PLCH2: variants seen among roughly 807,000 people sequenced by gnomAD.
PLCH2 encodes the protein 1-phosphatidylinositol 4,5-bisphosphate phosphodiesterase eta-2.
Under a neutral mutation model 134.7 loss-of-function variants are expected in PLCH2, and 98 were observed. The ratio of observed to expected loss-of-function variants is 0.73; its 90% CI spans 0.62 to 0.86. PLCH2 has a LOEUF of 0.86. Among genes scored for constraint, PLCH2 ranks in the 40% least tolerant of loss-of-function variants. The pLI is 0.00. For missense variants in PLCH2, 1,994 were observed against 1,986.6 expected, an observed-to-expected ratio of 1.00 and a Z score of -0.07; for synonymous variants, 974 against 827.5, an observed-to-expected ratio of 1.18 and a Z score of -3.04.
intron 1 of PLCH2, among the ~76,000 whole-genome samples, chr1:2,470,327 G>C (rs1641265189): frequency 1.3e-5 from 2 of 152,210 alleles, no homozygotes; most frequent in Admixed American, 1.3e-4. Flanking sequence ...GCTCCCAAAA[G>C]GCAGGAGTGG....
At chr1:2,419,045 C>T in the PLCH2 span, among the ~76,000 whole-genome samples, 1 of 152,230 alleles carries the variant, frequency 6.6e-6, no homozygotes, top group Non-Finnish European at 1.5e-5. Context: ...GTTGGCACGG[C>T]TCATCCTCTG....
At chr1:2,416,656 G>A in the PLCH2 span, among the ~76,000 whole-genome samples, 4 of 152,202 alleles carry the variant, frequency 2.6e-5, no homozygotes, top group South Asian at 2.1e-4. Flanking sequence ...GGCGGGGCCC[G>A]GCAGCCAGAG....
upstream of PLCH2, among the ~76,000 whole-genome samples, chr1:2,464,484 T>A (rs1217578634): frequency 2.0e-5 from 3 of 152,250 alleles, no homozygotes; most frequent in Admixed American, 2.0e-4. Flanking sequence ...TAGTGGCCCC[T>A]GTCTTTGGGC....
intron 21 of PLCH2, chr1:2,503,415 G>A (rs982063962): frequency 4.2e-5 from 25 of 592,492 alleles, no homozygotes; most frequent in Middle Eastern, 3.6e-4. Flanking sequence ...CCCCTGGGAC[G>A]CCTGGAGCCT....
the PLCH2 span, among the ~76,000 whole-genome samples, chr1:2,420,432 C>T: frequency 3.9e-5 from 6 of 152,196 alleles, no homozygotes; most frequent in African/African-American, 4.8e-5. Context: ...CAGGCAGGGG[C>T]GGGGTTGCGG....
At chr1:2,502,001 C>G in intron 20 of PLCH2, 111 bp from the exon 21 acceptor site, 1 of 1,026,062 alleles carries the variant, frequency 9.7e-7, no homozygotes, top group Non-Finnish European at 1.3e-6. Flanking sequence ...CCCCTCGGAC[C>G]GAGACACGCA....
intron 11 of PLCH2, chr1:2,492,622 G>A (rs989140904): frequency 1.3e-5 from 2 of 152,288 alleles, no homozygotes; most frequent in East Asian, 3.9e-4. Flanking sequence ...ACCCCAGAAG[G>A]GTCTCAGAGT....
intron 4 of PLCH2, among the ~76,000 whole-genome samples, chr1:2,483,757 C>CCCCGTGTGCGGGGGCGCTGACT (rs138594264): frequency 1.0e-5 from 1 of 96,034 alleles, no homozygotes. Context: ...TGTTGTTGAC[C>CCCCGTGTGCGGGGGCGCTGACT]CCCGTTTGGG....
At chr1:2,428,328 C>T (rs568155314) in intron 1 of PLCH2, among the ~76,000 whole-genome samples, 1 of 152,340 alleles carries the variant, frequency 6.6e-6, no homozygotes, top group Non-Finnish European at 1.5e-5. Context: ...CATGACAAGA[C>T]CAGCCAGTGC....
intron 4 of PLCH2, among the ~76,000 whole-genome samples, chr1:2,482,341 G>GC (rs1642015512): frequency 6.6e-6 from 1 of 152,202 alleles, no homozygotes; most frequent in Non-Finnish European, 1.5e-5. Flanking sequence ...CCCTGGGAGG[G>GC]CCATCAGCCC....
At chr1:2,424,800 A>G (rs1347383616), upstream of PLCH2, among the ~76,000 whole-genome samples, 6 of 152,332 alleles carry the variant, frequency 3.9e-5, no homozygotes, top group East Asian at 5.8e-4. Context: ...ATCCTGGCTA[A>G]CACAGTGAAA....
chr1:2,500,415 C>T (rs141189511), intron 20 of PLCH2: 1,962 of 153,070 alleles, frequency 0.013, 27 homozygotes, highest in Middle Eastern at 0.05. Flanking sequence ...TCTATCCACC[C>T]ATCTGTTCCT....
Position 2,439,633 on chromosome 1 carries a change from C to T in PLCH2, c.115+9004C>T, listed in dbSNP as rs969800545. Among the ~76,000 whole-genome samples the T allele has an allele frequency of 1.4e-4, 21 of 152,336 alleles. No individual in the cohort carries two copies. The highest frequency in any genetic ancestry group is 6.8e-3 in the Middle Eastern group (2 of 294). On this transcript the variant is annotated intron_variant, in intron 2 of 3. Coordinates refer to the PLCH2 transcript ENST00000609981. This position sits in a 1 kb window ranked among gnomAD's most constrained non-coding sequence, Gnocchi z 4.7. ...TGTGCCTCTCCGGGCTGTCTGTCCT[C>T]CATGGTGACCTCAGGCTGCAGAAGG...
chr1:2,477,841 G>A (rs369152942), intron 1 of PLCH2, among the ~76,000 whole-genome samples: 30 of 152,360 alleles, frequency 2.0e-4, no homozygotes, highest in African/African-American at 6.7e-4. Flanking sequence ...TTGCACATGA[G>A]GGGTGGGGGC....
intron 5 of PLCH2, among the ~76,000 whole-genome samples, chr1:2,486,192 T>C (rs1642275157): frequency 6.6e-6 from 1 of 152,206 alleles, no homozygotes; most frequent in African/African-American, 2.4e-5. Context: ...CTTCCCTCCC[T>C]GACCTTTGCC....
rs1250992757 is a variant in PLCH2 at position 2,498,447 on chromosome 1, G to A, written c.2225-76G>A. On this transcript the variant is annotated intron_variant, in intron 16 of 21. Transcript: ENST00000378486. This position sits in a 1 kb window ranked among gnomAD's most constrained non-coding sequence, Gnocchi z 5.4. ...CTATGTGGGGGCTGGGGAGGGGGCT[G>A]TTGGCAGCCATGCCCCAGCAAGCAG... 46 of 1,520,700 alleles carry A rather than the reference G, an allele frequency of 3.0e-5. No individual in the cohort carries two copies. Among genetic ancestry groups the A allele is most frequent in the Non-Finnish European group, 4.0e-5 (45 of 1,125,320 alleles). The allele number at this position is 1,520,700 out of a possible 1,614,324, so 94.2% of individuals were successfully genotyped here. A position where few individuals can be genotyped will look rare whatever the true frequency, so the allele number is the denominator to read the frequency against.
At chr1:2,447,498 G>T (rs1639996410) in intron 2 of PLCH2, among the ~76,000 whole-genome samples, 1 of 152,196 alleles carries the variant, frequency 6.6e-6, no homozygotes, top group East Asian at 1.9e-4. Context: ...AGTGGGTGGA[G>T]ATTCCACCAG....
Position 2,499,081 on chromosome 1 carries a change from C to A in PLCH2, c.2435-3C>A. The A allele has an allele frequency of 6.2e-7, 1 of 1,608,016 alleles. No homozygotes were observed. The highest frequency in any genetic ancestry group is 2.2e-5 in the East Asian group (1 of 44,668). Reference sequence around the variant, plus strand: ...GACACTCCTCCTGGCGCTGCTTCCCCAGGGTTCAACCCCACCTGGGAGGAG... The same window carrying A: ...GACACTCCTCCTGGCGCTGCTTCCCAAGGGTTCAACCCCACCTGGGAGGAG... On this transcript the variant is annotated splice_polypyrimidine_tract_variant and splice_region_variant and intron_variant, in intron 18 of 21. Transcript: ENST00000378486.
At position 2,479,762 on chromosome 1, in the gene PLCH2, T is replaced by A; in HGVS notation, c.300T>A (p.Ser100Arg). 1.3e-6 allele frequency: 2 copies of A among 1,548,138 alleles called. No individual in the cohort carries two copies. The highest frequency in any genetic ancestry group is 1.7e-6 in the Non-Finnish European group (2 of 1,144,450). ...CCATCGACTCCATCCAGGAGGTGAG[T>A]GAGGGGCGGCAGTCGGAGGTCTTCC... ...KISIDSIQEV[S>R]EGRQSEVFQR... The change falls in exon 3 of 22, where the codon AGT becomes AGA. Residue 100 changes from serine to arginine, a missense_variant. Coordinates refer to ENST00000378486, the MANE Select transcript of PLCH2 (RefSeq NM_014638.4).
Sources: gnomAD v4.1 joint callset for allele counts (sites outside exome capture counted in the v4.1 genomes callset) on GRCh38, gnomAD v4.1.1 for gene constraint, Gnocchi (gnomAD v3.1) non-coding constraint, MANE v1.5 for transcripts, NCBI Gene and HGNC (gene_info 2026-07-23, HGNC 2026-07-21) for gene names.